MLXIP: variants seen among roughly 807,000 people sequenced by gnomAD.
MLXIP encodes the protein MLX-interacting protein.
Under a neutral mutation model 87.2 loss-of-function variants are expected in MLXIP, and 30 were observed. The observed-to-expected ratio is 0.34, with a 90% CI of 0.26 to 0.47. The LOEUF (loss-of-function observed/expected upper bound fraction) is 0.47, where lower values mean the gene tolerates loss of function less well. Ranked by LOEUF, MLXIP falls within the 20% of genes least tolerant of loss-of-function variation. The pLI, the probability that MLXIP is intolerant of heterozygous loss-of-function variation, is 1.00. For missense variants in MLXIP, 1,002 were observed against 1,240.1 expected (o/e 0.81, Z 2.88); for synonymous variants, 530 against 514.0 (o/e 1.03, Z -0.42).
At chr12:122,079,583 T>C (rs1172198874) in intron 1 of MLXIP, among the ~76,000 whole-genome samples, 1 of 152,238 alleles carries the variant, frequency 6.6e-6, no homozygotes, top group Non-Finnish European at 1.5e-5. Context: ...GTTACCCGAC[T>C]CTATCGACTC....
chr12:122,100,553 C>A (rs149534656), intron 1 of MLXIP, among the ~76,000 whole-genome samples: 1 of 152,184 alleles, frequency 6.6e-6, no homozygotes, highest in East Asian at 1.9e-4. Context: ...TTGTGGTAAT[C>A]TTTCATTGTT....
At chr12:122,094,123 TTGG>T (rs1952302078) in intron 1 of MLXIP, among the ~76,000 whole-genome samples, 1 of 123,182 alleles carries the variant, frequency 8.1e-6, no homozygotes, top group African/African-American at 3.1e-5. Flanking sequence ...GTTGTGTGTG[TTGG>T]TATGTGTGTG....
chr12:122,107,860 G>A (rs1952544830), intron 1 of MLXIP, among the ~76,000 whole-genome samples: 1 of 152,146 alleles, frequency 6.6e-6, no homozygotes, highest in African/African-American at 2.4e-5. Context: ...GTGACAGGGT[G>A]GTGATAAAAG....
In MLXIP at chr12:122,113,681, C is replaced by CTTTTTTTTTTTTTTT. The variant is rs1173711241; in HGVS notation, c.414-13568_414-13554dup. ...ACAGTCCATATAACTGCCTTCATTT[C>CTTTTTTTTTTTTTTT]TTTTTTTTTTTTTTTTTTTTTGAGA... On this transcript the variant is annotated intron_variant, in intron 1 of 16. Transcript: ENST00000319080. Among the ~76,000 whole-genome samples the CTTTTTTTTTTTTTTT allele has an allele frequency of 5.0e-4, 50 of 100,686 alleles. 1 individual carries two copies. The highest frequency in any genetic ancestry group is 0.01 in the Middle Eastern group (1 of 96). The allele number at this position is 100,686 out of a possible 152,430, so 66.1% of individuals were successfully genotyped here.
At chr12:122,129,898 G>A in intron 5 of MLXIP, 43 bp from the exon 6 acceptor site, 1 of 1,580,650 alleles carries the variant, frequency 6.3e-7, no homozygotes, top group Non-Finnish European at 8.6e-7. Flanking sequence ...TCGTCCCACT[G>A]TTACTCTTTG....
intron 1 of MLXIP, among the ~76,000 whole-genome samples, chr12:122,106,181 C>T (rs892854039): frequency 2.6e-5 from 4 of 152,198 alleles, no homozygotes; most frequent in African/African-American, 9.7e-5. Context: ...AGAGCATGGG[C>T]CAGAAGCCAA....
chr12:122,083,436 C>T (rs553172552), intron 1 of MLXIP, among the ~76,000 whole-genome samples: 9 of 150,540 alleles, frequency 6.0e-5, no homozygotes, highest in South Asian at 2.1e-4. Flanking sequence ...TTTTTTGAGA[C>T]GGAGTTTCGC....
rs1278073472 is a variant in MLXIP at position 122,143,820 on chromosome 12, A to AC, written c.*2010dup. 1 of 152,140 alleles carries AC rather than the reference A, an allele frequency of 6.6e-6. No homozygotes were observed. The highest frequency in any genetic ancestry group is 2.4e-5 in the African/African-American group (1 of 41,352). The allele number at this position is 152,140 out of a possible 1,614,324, so 9.4% of individuals were successfully genotyped here. On this transcript the variant is annotated 3_prime_UTR_variant, in exon 17 of 17. Coordinates refer to ENST00000319080, the MANE Select transcript of MLXIP (RefSeq NM_014938.6). ...AATTGGCCTCCTGCTGCTTCAGCCTACCTCTCCCTCTGCTGACTTAATGTC... is the reference window on the plus strand; with the variant it reads ...AATTGGCCTCCTGCTGCTTCAGCCTACCCTCTCCCTCTGCTGACTTAATGTC...
chr12:122,121,444 T>A (rs2135958911), intron 1 of MLXIP, among the ~76,000 whole-genome samples: 1 of 151,676 alleles, frequency 6.6e-6, no homozygotes, highest in South Asian at 2.1e-4. Context: ...ATTTTTGTAT[T>A]TTTAGTAGAG....
intron 1 of MLXIP, among the ~76,000 whole-genome samples, chr12:122,093,901 G>GGT (rs1212508565): frequency 7.1e-6 from 1 of 141,706 alleles, no homozygotes; most frequent in African/African-American, 2.6e-5. Flanking sequence ...ATGTGTGTGT[G>GGT]GTGTGTGTGT....
rs1291579648 is a variant in MLXIP, at chr12:122,135,971, G to A, written c.2032+305G>A. The A allele has an allele frequency of 9.6e-6, 3 of 310,922 alleles. No individual in the cohort carries two copies. Among genetic ancestry groups the A allele is most frequent in the African/African-American group, 6.5e-5 (3 of 45,938 alleles). 19.3% of individuals were successfully genotyped at this position (310,922 alleles called of 1,614,324 possible). ...TACTGAGCTGCTGATCTCACCCAGA[G>A]AAGGGATTGAGGAGCCCTGGGCTTC... On this transcript the variant is annotated intron_variant, in intron 11 of 16. Transcript: ENST00000319080. This position sits in a 1 kb window ranked among gnomAD's most constrained non-coding sequence, Gnocchi z 5.3.
At position 122,127,324 on chromosome 12, in the gene MLXIP, G is replaced by A. The variant is rs777847505; in HGVS notation, c.482G>A (p.Arg161Gln). 2 of 1,613,464 alleles carry A rather than the reference G, an allele frequency of 1.2e-6. No individual in the cohort carries two copies. Among genetic ancestry groups the A allele is most frequent in the Non-Finnish European group, 1.7e-6 (2 of 1,179,714 alleles). The part of the protein sequence containing the change: ...GLKLQWRDKI[R>Q]LNNAIWRAWY... ...AAGCTACAGTGGAGAGACAAGATCC[G>A]GCTCAATAATGCCATCTGGCGGGCC... Residue 161 changes from arginine (R) to glutamine (Q), a missense_variant, in exon 2 of 17, where the codon CGG (arginine) becomes CAG (glutamine). Physicochemically the swap from Arg to Gln is conservative, Grantham distance 43. Around this residue, in one of 3 missense-constraint regions of MLXIP, gnomAD observed 127 missense variants for 239.0 expected, o/e 0.53. Coordinates refer to ENST00000319080, the MANE Select transcript of MLXIP (RefSeq NM_014938.6).
At chr12:122,093,094 G>A (rs1244708149) in intron 1 of MLXIP, among the ~76,000 whole-genome samples, 4 of 109,850 alleles carry the variant, frequency 3.6e-5, no homozygotes, top group Non-Finnish European at 8.4e-5. Context: ...GTGTGTTGGT[G>A]TGTGGTGTGT....
intron 1 of MLXIP, among the ~76,000 whole-genome samples, chr12:122,092,996 GTGTGTATGTGTGGTGTGGTCTGTGTA>G: frequency 6.8e-6 from 1 of 147,670 alleles, no homozygotes; most frequent in Non-Finnish European, 1.5e-5. Context: ...TGTGTGTGTT[GTGTGTATGTGTGGTGTGGTCTGTGTA>G]TATGTATGTG....
rs1308463297 is a variant in MLXIP at position 122,133,420 on chromosome 12, C to T, written c.1165C>T (p.Pro389Ser). 1 of 1,611,908 alleles carries T rather than the reference C, an allele frequency of 6.2e-7. No individual in the cohort carries two copies. The highest frequency in any genetic ancestry group is 1.3e-5 in the African/African-American group (1 of 74,866). ...CAGCCTCATCGCGCCCCCTACCGCC[C>T]CATCCCTGGCTCACATGGATGAGCA... is the stretch of plus-strand genomic sequence containing the variant. ...PDSLIAPPTA[P>S]SLAHMDEQGC... Residue 389 changes from proline to serine, a missense_variant, in exon 9 of 17, where the codon CCA becomes TCA. Transcript: ENST00000319080. This position sits in a 1 kb window ranked among gnomAD's most constrained non-coding sequence, Gnocchi z 4.9.
chr12:122,138,574 T>C (rs1335752304), intron 14 of MLXIP, 23 bp downstream of exon 14: 3 of 1,600,018 alleles, frequency 1.9e-6, no homozygotes, highest in Non-Finnish European at 2.6e-6. Context: ...GCCTTGGGGC[T>C]CCAACCAGGC....
At position 122,142,479 on chromosome 12, in the gene MLXIP, C is replaced by T. The variant is rs1026493210; in HGVS notation, c.*667C>T. On this transcript the variant is annotated 3_prime_UTR_variant, in exon 17 of 17. Transcript: ENST00000319080. ...GACCAGAATGGAAGCGTGTGATGCA[C>T]GGTGGCTGCTCTGGCTGAGAGGCCC... The T allele has an allele frequency of 6.5e-5, 24 of 367,450 alleles. No individual in the cohort carries two copies. The highest frequency in any genetic ancestry group is 2.2e-4 in the East Asian group (3 of 13,668). 22.8% of individuals were successfully genotyped at this position (367,450 alleles called of 1,614,324 possible). A position where few individuals can be genotyped will look rare whatever the true frequency, so the allele number is the denominator to read the frequency against.
chr12:122,112,859 T>G (rs535925511), intron 1 of MLXIP, among the ~76,000 whole-genome samples: 1 of 152,282 alleles, frequency 6.6e-6, no homozygotes, highest in African/African-American at 2.4e-5. Flanking sequence ...TTGGCTTTAT[T>G]GAATTGAATG....
rs73217782 is a variant in MLXIP at position 122,116,888 on chromosome 12, G to T, written c.414-10368G>T. On this transcript the variant is annotated intron_variant, in intron 1 of 16. Coordinates refer to ENST00000319080, the MANE Select transcript of MLXIP (RefSeq NM_014938.6). ...ATGGAACCACTCTGCTTTCTTTGTT[G>T]GTTAGAAGTGGTCTAGACATGGTGG... Among the ~76,000 whole-genome samples the T allele has an allele frequency of 1.8e-3, 279 of 152,324 alleles. 1 individual carries two copies. The highest frequency in any genetic ancestry group is 4.4e-3 in the Admixed American group (68 of 15,302).
Sources: gnomAD v4.1 joint callset for allele counts (sites outside exome capture counted in the v4.1 genomes callset) on GRCh38, gnomAD v4.1.1 for gene constraint, gnomAD v4.1.1 regional missense constraint, Gnocchi (gnomAD v3.1) non-coding constraint, MANE v1.5 for transcripts, NCBI Gene and HGNC (gene_info 2026-07-23, HGNC 2026-07-21) for gene names.